ARK2C: variants seen among roughly 807,000 people sequenced by gnomAD.
ARK2C encodes E3 ubiquitin-protein ligase ARK2C.
chr18:46,404,787 TACAC>T, the ARK2C span, among the ~76,000 whole-genome samples: 2 of 149,936 alleles, frequency 1.3e-5, no homozygotes, highest in Non-Finnish European at 3.0e-5. Context: ...CACACACACA[TACAC>T]ACACACACAA....
At chr18:46,426,963 A>G in the ARK2C span, among the ~76,000 whole-genome samples, 8 of 152,324 alleles carry the variant, frequency 5.3e-5, no homozygotes, top group Non-Finnish European at 1.0e-4. Context: ...TTTGTCATGG[A>G]CCCAGATATA....
chr18:46,371,494 G>T, the ARK2C span, among the ~76,000 whole-genome samples: 103 of 152,334 alleles, frequency 6.8e-4, 1 homozygote, highest in African/African-American at 2.4e-3. Flanking sequence ...TAAGGGAGAA[G>T]TTAAAGGAGA....
At chr18:46,420,778 G>C in the ARK2C span, among the ~76,000 whole-genome samples, 1 of 152,028 alleles carries the variant, frequency 6.6e-6, no homozygotes, top group Admixed American at 6.5e-5. Context: ...CCAGGAGGTG[G>C]AGGTTGCAGT....
the ARK2C span, among the ~76,000 whole-genome samples, chr18:46,364,578 C>T: frequency 2.0e-3 from 307 of 152,264 alleles, 6 homozygotes; most frequent in Middle Eastern, 3.4e-3. Flanking sequence ...ACACCTACTG[C>T]CTGATGCCTG....
the ARK2C span, among the ~76,000 whole-genome samples, chr18:46,407,052 C>T: frequency 2.0e-5 from 3 of 152,190 alleles, no homozygotes; most frequent in Non-Finnish European, 4.4e-5. Context: ...TCGACTTTTG[C>T]CTCGGCCTCT....
chr18:46,353,244 T>C, the ARK2C span, among the ~76,000 whole-genome samples: 1 of 152,192 alleles, frequency 6.6e-6, no homozygotes, highest in African/African-American at 2.4e-5. Context: ...AGACACTGAA[T>C]GAAAGCTGCA....
At chr18:46,417,156 C>A in the ARK2C span, among the ~76,000 whole-genome samples, 1 of 152,240 alleles carries the variant, frequency 6.6e-6, no homozygotes, top group South Asian at 2.1e-4. Context: ...TATTTTGGAT[C>A]TGACCATTCC....
chr18:46,453,946 C>A, the ARK2C span, among the ~76,000 whole-genome samples: 598 of 151,104 alleles, frequency 4.0e-3, 5 homozygotes, highest in African/African-American at 0.013. Context: ...GATTCTGTCT[C>A]TACAATAAAA....
At chr18:46,420,099 G>A in the ARK2C span, among the ~76,000 whole-genome samples, 1 of 152,080 alleles carries the variant, frequency 6.6e-6, no homozygotes, top group Non-Finnish European at 1.5e-5. Flanking sequence ...CTGATTTCAG[G>A]GGCGTGTGGA....
the ARK2C span, among the ~76,000 whole-genome samples, chr18:46,349,248 G>A: frequency 6.6e-6 from 1 of 152,148 alleles, no homozygotes; most frequent in Non-Finnish European, 1.5e-5. Context: ...GTTTCCCGGT[G>A]TACTGGAGGC....
chr18:46,425,776 C>T, the ARK2C span, among the ~76,000 whole-genome samples: 1 of 152,184 alleles, frequency 6.6e-6, no homozygotes, highest in Non-Finnish European at 1.5e-5. Flanking sequence ...CACTGTCCTC[C>T]TCCCTGGGAG....
At chr18:46,334,220 C>G in the ARK2C span, 1 of 1,199,096 alleles carries the variant, frequency 8.3e-7, no homozygotes, top group South Asian at 2.2e-5. The surrounding 1 kb of genome is among the most constrained non-coding windows in gnomAD (Gnocchi z 4.4). Context: ...CCCGGAGCCG[C>G]GCCACAAAGG....
chr18:46,436,634 A>C, the ARK2C span, among the ~76,000 whole-genome samples: 1 of 152,150 alleles, frequency 6.6e-6, no homozygotes, highest in Admixed American at 6.5e-5. Flanking sequence ...GTTGAATGCT[A>C]TGGGAGCTTC....
the ARK2C span, among the ~76,000 whole-genome samples, chr18:46,367,398 A>G: frequency 6.6e-6 from 1 of 152,150 alleles, no homozygotes; most frequent in South Asian, 2.1e-4. Flanking sequence ...GGAGGTAGGA[A>G]ACAATTTGTC....
the ARK2C span, chr18:46,450,299 G>A: frequency 8.5e-5 from 137 of 1,612,370 alleles, no homozygotes; most frequent in African/African-American, 4.9e-4. Context: ...CCAACAGGTC[G>A]TCCATGAAAT....
the ARK2C span, among the ~76,000 whole-genome samples, chr18:46,425,940 C>T: frequency 6.6e-6 from 1 of 152,168 alleles, no homozygotes; most frequent in Non-Finnish European, 1.5e-5. Context: ...TCCGCCTCCT[C>T]ATAGATGGTT....
the ARK2C span, among the ~76,000 whole-genome samples, chr18:46,358,316 A>G: frequency 6.6e-6 from 1 of 152,112 alleles, no homozygotes; most frequent in Non-Finnish European, 1.5e-5. Context: ...ATCCAGGTAC[A>G]TGGGGAGCAG....
At chr18:46,450,885 G>C in the ARK2C span, 1 of 940,576 alleles carries the variant, frequency 1.1e-6, no homozygotes. Context: ...TGTTCACAGA[G>C]GGGTGCAGTC....
the ARK2C span, among the ~76,000 whole-genome samples, chr18:46,340,138 A>G: frequency 6.6e-6 from 1 of 152,362 alleles, no homozygotes; most frequent in East Asian, 1.9e-4. Context: ...GGATCTAAAC[A>G]GCTTTGTAAA....
Sources: allele counts gnomAD v4.1 joint callset (sites outside exome capture counted in the v4.1 genomes callset), GRCh38; gene constraint gnomAD v4.1.1; non-coding constraint Gnocchi (gnomAD v3.1); transcripts MANE v1.5; gene names NCBI Gene and HGNC (gene_info 2026-07-23, HGNC 2026-07-21).